The following MTMR1 variants were observed in gnomAD, a reference collection of about 807,000 sequenced individuals.
MTMR1 encodes phosphatidylinositol-3-phosphate phosphatase MTMR1.
A neutral mutation model predicts 51.6 loss-of-function variants in MTMR1; 17 were observed. That is an observed-to-expected ratio of 0.33 (90% confidence interval 0.23 to 0.49). MTMR1 has a LOEUF of 0.49. MTMR1 is among the 20% of genes least tolerant of loss of function. The pLI is 0.99. For missense variants in MTMR1, 386 were observed against 526.9 expected (o/e 0.73, Z 2.62); for synonymous variants, 201 against 205.6 (o/e 0.98, Z 0.19).
At chrX:150,696,150 C>T (rs1557415727) in intron 1 of MTMR1, among the ~76,000 whole-genome samples, 2 of 111,051 alleles carry the variant, frequency 1.8e-5, no homozygotes, top group South Asian at 3.9e-4. Context: ...CAGGAGAGTC[C>T]AGGTTGGAGA....
chrX:150,704,361 A>G (rs1396549179), intron 2 of MTMR1, among the ~76,000 whole-genome samples: 2 of 111,609 alleles, frequency 1.8e-5, no homozygotes, highest in Non-Finnish European at 1.9e-5. Context: ...TTATGACCCC[A>G]CACCCACCCC....
intron 13 of MTMR1, among the ~76,000 whole-genome samples, chrX:150,749,146 C>T (rs1401273244): frequency 8.9e-6 from 1 of 112,365 alleles, no homozygotes; most frequent in Non-Finnish European, 1.9e-5. Flanking sequence ...TCTTAATCCA[C>T]GGTATCTGAG....
chrX:150,715,387 A>G (rs2041472377), intron 3 of MTMR1, among the ~76,000 whole-genome samples: 1 of 112,420 alleles, frequency 8.9e-6, no homozygotes, highest in South Asian at 3.7e-4. Context: ...GGATGAGGTC[A>G]TCAGAGGGAA....
intron 10 of MTMR1, among the ~76,000 whole-genome samples, chrX:150,735,182 A>G (rs1312940358): frequency 8.9e-6 from 1 of 111,960 alleles, no homozygotes; most frequent in African/African-American, 3.2e-5. Context: ...TCCTAAAGGA[A>G]CCAACTCTGC....
At chrX:150,735,361 A>G (rs782264812) in intron 10 of MTMR1, 1 of 423,456 alleles carries the variant, frequency 2.4e-6, no homozygotes, top group South Asian at 4.5e-5. Context: ...CCCTTCATAT[A>G]CTCTTGGATT....
chrX:150,707,574 A>C (rs1246837752), intron 2 of MTMR1, among the ~76,000 whole-genome samples: 2 of 112,426 alleles, frequency 1.8e-5, no homozygotes, highest in Non-Finnish European at 3.8e-5. Context: ...ATTTTTAAAA[A>C]GTGACAACAC....
Position 150,693,690 on chromosome X carries a change from G to C in MTMR1, c.146+14G>C. 1.3e-6 allele frequency: 1 copy of C among 755,874 alleles called. No individual in the cohort carries two copies. The highest frequency in any genetic ancestry group is 1.6e-6 in the Non-Finnish European group (1 of 640,906). The allele number at this position is 755,874 out of a possible 1,213,427, so 62.3% of individuals were successfully genotyped here. ...GACCCTGGACAGGTAAGCGGGGCCC[G>C]GGCTGCCCCGGCCTCCCGCGCCCCG... On this transcript the variant is annotated intron_variant, in intron 1 of 15. Transcript: ENST00000445323.
intron 12 of MTMR1, 139 bp from the exon 13 acceptor site, chrX:150,744,222 G>T: frequency 2.6e-6 from 1 of 387,669 alleles, no homozygotes; most frequent in Non-Finnish European, 4.5e-6. Flanking sequence ...CGATTTGATA[G>T]ACATTTTTGA....
At chrX:150,749,219 G>A (rs1457844050) in intron 13 of MTMR1, among the ~76,000 whole-genome samples, 1 of 112,171 alleles carries the variant, frequency 8.9e-6, no homozygotes, top group African/African-American at 3.2e-5. Context: ...GGTGGAGTTT[G>A]GACAGTCCTG....
chrX:150,694,166 C>T (rs782161259), intron 1 of MTMR1, among the ~76,000 whole-genome samples: 1 of 111,210 alleles, frequency 9.0e-6, no homozygotes, highest in African/African-American at 3.3e-5. Context: ...GATGGGACCC[C>T]GCGGGCGTGG....
intron 15 of MTMR1, among the ~76,000 whole-genome samples, chrX:150,756,839 C>T (rs1305695020): frequency 7.2e-5 from 8 of 110,510 alleles, no homozygotes; most frequent in Non-Finnish European, 1.5e-4. Flanking sequence ...TTAGTAGAGA[C>T]GGGATTTCAC....
chrX:150,715,246 C>T (rs187701020), intron 3 of MTMR1, among the ~76,000 whole-genome samples: 41 of 111,878 alleles, frequency 3.7e-4, no homozygotes, highest in African/African-American at 1.3e-3. Context: ...ATCCACCTGG[C>T]GGCTTGGATT....
At chrX:150,760,304 GGAAGAGAGGGGAGGGGAGGGAGT>G (rs1557417960) in intron 15 of MTMR1, among the ~76,000 whole-genome samples, 2 of 97,884 alleles carry the variant, frequency 2.0e-5, no homozygotes, top group East Asian at 5.8e-4. Flanking sequence ...GAGAGAAGGA[GGAAGAGAGGGGAGGGGAGGGAGT>G]GCAGGGGGGT....
Position 150,744,436 on chromosome X carries a change from T to C in MTMR1, c.1549T>C (p.Trp517Arg), listed in dbSNP as rs1557417402. 1 of 1,209,154 alleles carries C rather than the reference T, an allele frequency of 8.3e-7. No individual in the cohort carries two copies. The highest frequency in any genetic ancestry group is 1.1e-6 in the Non-Finnish European group (1 of 892,876). The change falls in exon 13 of 16, where the codon TGG becomes CGG. Residue 517 changes from tryptophan to arginine, a missense_variant. Physicochemically the swap from Trp to Arg is moderately radical, Grantham distance 101. Transcript: ENST00000445323. ...PIFLQFVDCV[W>R]QMTRQFPSAF... ...ATTTCTGCAGTTTGTTGATTGTGTT[T>C]GGCAAATGACAAGGCAGGTGAGAGA...
intron 2 of MTMR1, among the ~76,000 whole-genome samples, chrX:150,708,115 G>T (rs1557416117): frequency 4.5e-5 from 5 of 111,880 alleles, no homozygotes; most frequent in Non-Finnish European, 9.4e-5. Context: ...AAGGTCAACA[G>T]TAGAGTTCAT....
chrX:150,723,172 G>A (rs1557416635), intron 4 of MTMR1, among the ~76,000 whole-genome samples: 1 of 111,027 alleles, frequency 9.0e-6, no homozygotes, highest in Non-Finnish European at 1.9e-5. Flanking sequence ...TCCCTACAAA[G>A]GACATGAACT....
rs781825477 is a variant in MTMR1, at chrX:150,764,433, C to CTTA, written c.*1707_*1709dup. ...TTTATGTTCCTAACATATCTGAAAG[C>CTTA]TTATTTATGAATGGATATACTGGAT... On this transcript the variant is annotated 3_prime_UTR_variant, in exon 16 of 16. Transcript: ENST00000445323. 3 of 111,686 alleles carry CTTA rather than the reference C, an allele frequency of 2.7e-5. No individual in the cohort carries two copies. The highest frequency in any genetic ancestry group is 9.5e-5 in the Admixed American group (1 of 10,551). 9.2% of individuals were successfully genotyped at this position (111,686 alleles called of 1,213,427 possible).
rs181117156 is a variant in MTMR1 at position 150,732,770 on chromosome X, C to T, written c.1080+40C>T. ...GCACTGCAGAAACACTGGATATTTT[C>T]ATGTCCTGTCTGTAAATCATTATGC... On this transcript the variant is annotated intron_variant, in intron 10 of 15. Transcript: ENST00000445323. 1.7e-4 allele frequency: 186 copies of T among 1,082,297 alleles called. 1 individual carries two copies. In the East Asian group the frequency reaches 5.7e-3, roughly 33 times the overall value. 89.2% of individuals were successfully genotyped at this position (1,082,297 alleles called of 1,213,427 possible).
intron 12 of MTMR1, among the ~76,000 whole-genome samples, chrX:150,742,798 C>T (rs1272682025): frequency 1.3e-4 from 10 of 75,302 alleles, no homozygotes; most frequent in Non-Finnish European, 2.3e-4. Flanking sequence ...GCCTGGGCGA[C>T]AGAGTGAGAC....
Sources: gnomAD v4.1 joint callset for allele counts (sites outside exome capture counted in the v4.1 genomes callset) on GRCh38, gnomAD v4.1.1 for gene constraint, MANE v1.5 for transcripts, NCBI Gene and HGNC (gene_info 2026-07-23, HGNC 2026-07-21) for gene names.